Variants in DGLUCY observed in about 807,000 individuals in gnomAD.
DGLUCY encodes D-glutamate cyclase, mitochondrial.
DGLUCY carries 58 observed loss-of-function variants against 58.5 expected under a neutral mutation model. That is an observed-to-expected ratio of 0.99 (90% CI 0.80 to 1.23). DGLUCY has a LOEUF of 1.23. Among genes scored for constraint, DGLUCY ranks in the 50% most tolerant of loss-of-function variants. DGLUCY has a pLI of 0.00. For missense variants in DGLUCY, 779 were observed against 784.7 expected (o/e 0.99, Z 0.09); for synonymous variants, 325 against 314.1 (o/e 1.03, Z -0.37).
chr14:91,201,454 A>G (rs2050555337), intron 11 of DGLUCY, among the ~76,000 whole-genome samples: 1 of 151,896 alleles, frequency 6.6e-6, no homozygotes, highest in African/African-American at 2.4e-5. Context: ...GCATGCCACC[A>G]CGCCCAGCTA....
At chr14:91,192,978 G>A (rs1017792484) in intron 9 of DGLUCY, among the ~76,000 whole-genome samples, 2 of 152,150 alleles carry the variant, frequency 1.3e-5, no homozygotes, top group African/African-American at 4.8e-5. Flanking sequence ...AGAGCAGCGT[G>A]GGCAAGGAGA....
At chr14:91,198,470 A>G (rs1223680646) in intron 10 of DGLUCY, among the ~76,000 whole-genome samples, 1 of 148,166 alleles carries the variant, frequency 6.7e-6, no homozygotes, top group African/African-American at 2.5e-5. Context: ...TCAGCCTCCC[A>G]AGCATAGCTG....
intron 1 of DGLUCY, among the ~76,000 whole-genome samples, chr14:91,062,674 A>G (rs1264715935): frequency 6.9e-6 from 1 of 145,144 alleles, no homozygotes; most frequent in African/African-American, 2.5e-5. Context: ...CCTACAGGCC[A>G]TAGTTTGCAG....
intron 6 of DGLUCY, among the ~76,000 whole-genome samples, chr14:91,174,130 G>C (rs750997999): frequency 1.3e-5 from 2 of 151,926 alleles, no homozygotes; most frequent in Admixed American, 6.6e-5. Flanking sequence ...TGAAGCCTCC[G>C]TAAAACCCCA....
chr14:91,097,146 C>T (rs2044408224), intron 1 of DGLUCY, among the ~76,000 whole-genome samples: 1 of 152,180 alleles, frequency 6.6e-6, no homozygotes, highest in Non-Finnish European at 1.5e-5. Flanking sequence ...CCTGTAATCC[C>T]AGCACTTTAG....
At chr14:91,111,292 T>A (rs544711035), upstream of DGLUCY, among the ~76,000 whole-genome samples, 97 of 64,304 alleles carry the variant, frequency 1.5e-3, 3 homozygotes, top group African/African-American at 2.5e-3. Flanking sequence ...ATATATATAT[T>A]TTTTTTTGAG....
chr14:91,097,884 C>A (rs558218080), intron 1 of DGLUCY, among the ~76,000 whole-genome samples: 1 of 152,342 alleles, frequency 6.6e-6, no homozygotes, highest in South Asian at 2.1e-4. Context: ...TTGACTCCTC[C>A]TACCTTGTAT....
upstream of DGLUCY, among the ~76,000 whole-genome samples, chr14:91,109,637 C>T (rs578117459): frequency 5.5e-4 from 83 of 152,170 alleles, 1 homozygote; most frequent in African/African-American, 2.0e-3. Flanking sequence ...TCCCAGATGG[C>T]CACCTTATCA....
intron 9 of DGLUCY, among the ~76,000 whole-genome samples, chr14:91,190,208 C>T (rs1220931549): frequency 1.3e-5 from 2 of 151,616 alleles, no homozygotes; most frequent in African/African-American, 4.8e-5. Context: ...AGGATGGTCT[C>T]GATCTCCTGA....
In DGLUCY at chr14:91,173,415, CA is replaced by C; in HGVS notation, c.585del (p.Gln195HisfsTer40). ...ACCSLGGEQG[Q>X]PVHMGDPELL... Reference sequence around the variant, plus strand: ...CTGCTCCCTCGGAGGTGAGCAGGGGCAACCTGTTCACATGGGCGACCCAGGT... The same window carrying C: ...CTGCTCCCTCGGAGGTGAGCAGGGGCACCTGTTCACATGGGCGACCCAGGT... On this transcript the variant is annotated frameshift_variant, in exon 6 of 14. Transcript: ENST00000256324. LOFTEE classifies it high-confidence loss of function. 1 of 1,608,242 alleles carries C rather than the reference CA, an allele frequency of 6.2e-7. No homozygotes were observed. Among genetic ancestry groups the C allele is most frequent in the East Asian group, 2.2e-5 (1 of 44,844 alleles).
rs149074776 is a variant in DGLUCY, at chr14:91,222,993, A to G, written c.1717-1691A>G. ...TCTCTTTTTCTTATAAGAGCACTTC[A>G]CATCCTGACCCTCACTCATGACCTC... On this transcript the variant is annotated intron_variant, in intron 13 of 13. Coordinates refer to ENST00000256324, the MANE Select transcript of DGLUCY (RefSeq NM_001102368.3). Among the ~76,000 whole-genome samples the G allele has an allele frequency of 1.9e-3, 282 of 152,314 alleles. 2 individuals carry two copies. Among genetic ancestry groups the G allele is most frequent in the Middle Eastern group, 3.4e-3 (1 of 294 alleles).
intron 12 of DGLUCY, among the ~76,000 whole-genome samples, chr14:91,209,855 A>G (rs1440916341): frequency 6.6e-6 from 1 of 152,262 alleles, no homozygotes; most frequent in Non-Finnish European, 1.5e-5. Context: ...AGAGAAAGAT[A>G]TGCCATGTTA....
chr14:91,189,082 G>A lies in DGLUCY; in HGVS notation c.1107G>A (p.Leu369=). 1 of 1,614,190 alleles carries A rather than the reference G, an allele frequency of 6.2e-7. No individual in the cohort carries two copies. The highest frequency in any genetic ancestry group is 8.5e-7 in the Non-Finnish European group (1 of 1,180,048). The change falls in exon 9 of 14, where the codon CTG becomes CTA. Residue 369 remains leucine (L), a synonymous_variant. Transcript: ENST00000256324. ...PPGAVALVAF[L]QALEKEVAII... ...GAGCTGTTGCTCTGGTTGCCTTCCTGCAGGCCTTGGAGAAGGAGGTCGCCA... is the reference window on the plus strand; with the variant it reads ...GAGCTGTTGCTCTGGTTGCCTTCCTACAGGCCTTGGAGAAGGAGGTCGCCA...
chr14:91,205,270 T>A (rs1393161378), intron 12 of DGLUCY, among the ~76,000 whole-genome samples: 1 of 152,182 alleles, frequency 6.6e-6, no homozygotes, highest in Admixed American at 6.6e-5. Context: ...GAAAACTATC[T>A]GGTAAGTGTT....
chr14:91,161,473 G>T (rs906421439), intron 3 of DGLUCY, among the ~76,000 whole-genome samples: 1 of 152,230 alleles, frequency 6.6e-6, no homozygotes, highest in South Asian at 2.1e-4. Flanking sequence ...TGTGGTGTCT[G>T]TTGGGGATAG....
upstream of DGLUCY, among the ~76,000 whole-genome samples, chr14:91,109,538 G>A (rs576034038): frequency 1.3e-5 from 2 of 152,302 alleles, no homozygotes; most frequent in East Asian, 3.9e-4. Flanking sequence ...AGTGGCTACA[G>A]GCTGCAGGGA....
chr14:91,190,057 G>A (rs955300062), intron 9 of DGLUCY, among the ~76,000 whole-genome samples: 26 of 141,182 alleles, frequency 1.8e-4, no homozygotes, highest in Non-Finnish European at 3.0e-4. Flanking sequence ...GCGCGATCTC[G>A]GCTCACTGCA....
chr14:91,090,593 T>A (rs1164403374), intron 1 of DGLUCY, among the ~76,000 whole-genome samples: 1 of 152,128 alleles, frequency 6.6e-6, no homozygotes, highest in Non-Finnish European at 1.5e-5. Flanking sequence ...CTGTCCTGGT[T>A]AGCAAACTAA....
At chr14:91,205,839 CTTCTTTTTTTTTTTT>C (rs1567007957) in intron 12 of DGLUCY, among the ~76,000 whole-genome samples, 3 of 79,764 alleles carry the variant, frequency 3.8e-5, no homozygotes, top group African/African-American at 1.4e-4. Context: ...CTTTCTTCTT[CTTCTTTTTTTTTTTT>C]TTTTTTTTTT....
Sources: gnomAD v4.1 joint callset for allele counts (sites outside exome capture counted in the v4.1 genomes callset) on GRCh38, gnomAD v4.1.1 for gene constraint, MANE v1.5 for transcripts, NCBI Gene and HGNC (gene_info 2026-07-23, HGNC 2026-07-21) for gene names.